ZNF534: variants seen among roughly 807,000 people sequenced by gnomAD.
ZNF534 encodes zinc finger protein 534.
In ZNF534, 19 loss-of-function variants were observed where a neutral mutation model predicts 13.6. The observed-to-expected ratio is 1.40, with a 90% CI of 0.97 to 2.05. The LOEUF (loss-of-function observed/expected upper bound fraction) is 2.05, where lower values mean the gene tolerates loss of function less well. ZNF534 is among the 30% of genes most tolerant of loss of function. The pLI, the probability that ZNF534 is intolerant of heterozygous loss-of-function variation, is 0.00. For synonymous variants in ZNF534, 244 were observed against 273.8 expected, an observed-to-expected ratio of 0.89 and a Z score of 1.07; for missense variants, 782 against 796.3, an observed-to-expected ratio of 0.98 and a Z score of 0.22.
In ZNF534 at chr19:52,438,652, G is replaced by T; in HGVS notation, c.1192G>T (p.Ala398Ser). ...GKVFIGNSRL[A>S]RHRKIHTGGR... The stretch of plus-strand genomic sequence containing the variant: ...GGTCTTTATTGGCAATTCACGCCTT[G>T]CACGACATAGGAAAATTCATACTGG... The change falls in exon 5 of 5, where the codon GCA becomes TCA. Residue 398 changes from alanine (A) to serine (S), a missense_variant. Physicochemically the swap from Ala to Ser is moderately conservative, Grantham distance 99 (BLOSUM62 1). Coordinates refer to ENST00000433050, the MANE Select transcript of ZNF534 (RefSeq NM_001143938.3). 6.3e-7 allele frequency: 1 copy of T among 1,583,884 alleles called. No homozygotes were observed. The highest frequency in any genetic ancestry group is 8.6e-7 in the Non-Finnish European group (1 of 1,164,016).
At chr19:52,436,492 C>T (rs976156029) in intron 4 of ZNF534, among the ~76,000 whole-genome samples, 1 of 152,140 alleles carries the variant, frequency 6.6e-6, no homozygotes, top group African/African-American at 2.4e-5. Context: ...GTTCTTTCCT[C>T]AGATGTGTGA....
At chr19:52,434,348 C>A (rs1294072977) in intron 3 of ZNF534, among the ~76,000 whole-genome samples, 1 of 151,248 alleles carries the variant, frequency 6.6e-6, no homozygotes, top group Non-Finnish European at 1.5e-5. Context: ...GCCTGTAGTC[C>A]CAGCTACTCG....
Position 52,439,414 on chromosome 19 carries a change from C to T in ZNF534, c.1954C>T (p.His652Tyr). 6.5e-7 allele frequency: 1 copy of T among 1,543,536 alleles called. No homozygotes were observed. The highest frequency in any genetic ancestry group is 8.8e-7 in the Non-Finnish European group (1 of 1,142,670). Reference sequence around the variant, plus strand: ...TAGTAAAAATTCCATCCTAGTACAACATTGCAGTATTCATACCAGAGAGAA... The same window carrying T: ...TAGTAAAAATTCCATCCTAGTACAATATTGCAGTATTCATACCAGAGAGAA... ...VFSKNSILVQ[H>Y]CSIHTREKP Residue 652 changes from histidine to tyrosine, a missense_variant, in exon 5 of 5, where the codon CAT becomes TAT. This residue lies in a region of ZNF534 where 60 missense variants were observed against 59.9 expected (regional missense o/e 1.00). Transcript: ENST00000433050.
chr19:52,443,783 G>T (rs2059184924), downstream of ZNF534, among the ~76,000 whole-genome samples: 1 of 151,804 alleles, frequency 6.6e-6, no homozygotes, highest in Non-Finnish European at 1.5e-5. Context: ...TTGTCTTTGA[G>T]CTCTGAAATT....
chr19:52,432,824 G>A (rs537722861), intron 2 of ZNF534, among the ~76,000 whole-genome samples: 1 of 151,912 alleles, frequency 6.6e-6, no homozygotes, highest in African/African-American at 2.4e-5. Flanking sequence ...TAGAGATGGG[G>A]TTTCACCATG....
At chr19:52,435,762 C>G (rs548322428) in intron 4 of ZNF534, among the ~76,000 whole-genome samples, 38 of 151,378 alleles carry the variant, frequency 2.5e-4, no homozygotes, top group African/African-American at 8.7e-4. Context: ...ACCTCAGCCT[C>G]CCAAAGTGCT....
chr19:52,448,409 AT>A (rs2059201514), intron 4 of ZNF534, among the ~76,000 whole-genome samples: 2 of 151,844 alleles, frequency 1.3e-5, no homozygotes, highest in Admixed American at 6.6e-5. Context: ...AAAAAAAAAA[AT>A]TATTTTTTAA....
chr19:52,451,183 AT>A, intron 4 of ZNF534: 1 of 680,164 alleles, frequency 1.5e-6, no homozygotes, highest in South Asian at 1.6e-5. Context: ...TTTTCTACCC[AT>A]AGATTTTTCA....
chr19:52,435,933 C>CTTTTTTTTTT (rs1289517628), intron 4 of ZNF534, among the ~76,000 whole-genome samples: 4 of 17,522 alleles, frequency 2.3e-4, no homozygotes, highest in African/African-American at 2.9e-4. Flanking sequence ...TATTTTTCTT[C>CTTTTTTTTTT]TTCTTCTTTT....
rs1276853431 is a variant in ZNF534 at position 52,439,640 on chromosome 19, T to A, written c.*194T>A. On this transcript the variant is annotated 3_prime_UTR_variant, in exon 5 of 5. Coordinates refer to ENST00000433050, the MANE Select transcript of ZNF534 (RefSeq NM_001143938.3). ...TGGGTGTGGTGGCAGGCACCTGTAG[T>A]CCCAGCTACTCAGGAGGCTGAGGCA... 2.7e-5 allele frequency among the ~76,000 whole-genome samples: 4 copies of A among 150,720 alleles called. No homozygotes were observed. Among genetic ancestry groups the A allele is most frequent in the Admixed American group, 6.6e-5 (1 of 15,128 alleles).
At chr19:52,450,690 T>TTTTTTTTTTTA (rs2059211095) in intron 4 of ZNF534, among the ~76,000 whole-genome samples, 1 of 31,390 alleles carries the variant, frequency 3.2e-5, no homozygotes, top group Non-Finnish European at 6.9e-5. Context: ...TTTTTGTTTT[T>TTTTTTTTTTTA]GTTTTTGTTT....
At chr19:52,432,715 C>G (rs2059096114) in intron 2 of ZNF534, among the ~76,000 whole-genome samples, 1 of 152,032 alleles carries the variant, frequency 6.6e-6, no homozygotes. Flanking sequence ...TCACTGCAAC[C>G]TCTGCCTCCT....
Position 52,439,514 on chromosome 19 carries a change from C to T in ZNF534, c.*68C>T. The T allele has an allele frequency of 5.0e-6, 7 of 1,389,336 alleles. No individual in the cohort carries two copies. Among genetic ancestry groups the T allele is most frequent in the Non-Finnish European group, 3.8e-6 (4 of 1,043,090 alleles). 86.1% of individuals were successfully genotyped at this position (1,389,336 alleles called of 1,614,324 possible). A position where few individuals can be genotyped will look rare whatever the true frequency, so the allele number is the denominator to read the frequency against. On this transcript the variant is annotated 3_prime_UTR_variant, in exon 5 of 5. Coordinates refer to ENST00000433050, the MANE Select transcript of ZNF534 (RefSeq NM_001143938.3). ...ATCCCAGCACTTTGGGAGTCCGAGG[C>T]AGGTGGATCATGAGGTCAGGAGATT...
chr19:52,434,989 A>G, intron 3 of ZNF534, 92 bp from the exon 4 acceptor site: 1 of 1,423,288 alleles, frequency 7.0e-7, no homozygotes, highest in Admixed American at 2.4e-5. Flanking sequence ...ATTATTCTTG[A>G]TTAATTTGTA....
rs189123125 is a variant in ZNF534 at position 52,431,884 on chromosome 19, C to T, written c.15+395C>T. Among the ~76,000 whole-genome samples, 572 of 150,156 alleles carry T rather than the reference C, an allele frequency of 3.8e-3. 2 individuals carry two copies. The highest frequency in any genetic ancestry group is 0.013 in the African/African-American group (547 of 40,894). On this transcript the variant is annotated intron_variant, in intron 2 of 4. Coordinates refer to ENST00000433050, the MANE Select transcript of ZNF534 (RefSeq NM_001143938.3). ...TTTTTTTTTTTTTGAGACAGAGTCT[C>T]GCACTGTTGCCCAGGCTGGAGTGTG... is the stretch of plus-strand genomic sequence containing the variant.
At chr19:52,433,389 C>T (rs567672475) in intron 2 of ZNF534, among the ~76,000 whole-genome samples, 5 of 150,374 alleles carry the variant, frequency 3.3e-5, no homozygotes, top group Admixed American at 6.6e-5. Flanking sequence ...GGGGAGGGGA[C>T]GGAGTCTCAC....
At chr19:52,448,397 CAA>C (rs61344558) in intron 4 of ZNF534, among the ~76,000 whole-genome samples, 5 of 150,904 alleles carry the variant, frequency 3.3e-5, no homozygotes, top group African/African-American at 4.9e-5. Flanking sequence ...GACTCCGTCT[CAA>C]AAAAAAAAAA....
downstream of ZNF534, among the ~76,000 whole-genome samples, chr19:52,443,338 C>G (rs2059183197): frequency 6.6e-6 from 1 of 152,068 alleles, no homozygotes; most frequent in Non-Finnish European, 1.5e-5. Flanking sequence ...CAGTTATTAC[C>G]CTAAATATGT....
At chr19:52,446,432 C>T (rs2059194742), downstream of ZNF534, among the ~76,000 whole-genome samples, 1 of 152,158 alleles carries the variant, frequency 6.6e-6, no homozygotes, top group Admixed American at 6.5e-5. Context: ...GTCAACGGTG[C>T]ATCCTGAGAC....
Sources: allele counts gnomAD v4.1 joint callset (sites outside exome capture counted in the v4.1 genomes callset), GRCh38; gene constraint gnomAD v4.1.1; regional missense constraint gnomAD v4.1.1; transcripts MANE v1.5; gene names NCBI Gene and HGNC (gene_info 2026-07-23, HGNC 2026-07-21).